ARHGAP6: variants seen among roughly 807,000 people sequenced by gnomAD.
ARHGAP6 encodes the protein Rho GTPase activating protein 6.
In ARHGAP6, 16 loss-of-function variants were observed where a neutral mutation model predicts 55.7. The ratio of observed to expected loss-of-function variants is 0.29; its 90% CI spans 0.19 to 0.44. The LOEUF is 0.44. Ranked by LOEUF, ARHGAP6 falls within the 20% of genes least tolerant of loss-of-function variation. The pLI is 1.00. For synonymous variants in ARHGAP6, 382 were observed against 360.9 expected, an observed-to-expected ratio of 1.06 and a Z score of -0.66; for missense variants, 698 against 808.9, an observed-to-expected ratio of 0.86 and a Z score of 1.66.
rs1277622335 is a variant in ARHGAP6 at position 11,178,101 on chromosome X, T to G, written c.1628A>C (p.Glu543Ala). The G allele has an allele frequency of 4.1e-6, 5 of 1,209,342 alleles. No individual in the cohort carries two copies. In the African/African-American group the frequency reaches 8.8e-5, roughly 21 times the overall value. ...TCTATGGCAGCAAAGGCATCTTACC[T>G]CTTGCCCATCTTTGCTGATGTTGTC... ...ADDNISKDGQ[E>A]VTGNKMTSLN... is the part of the protein sequence containing the mutation. The change falls in exon 8 of 13, where the codon GAG becomes GCG. Residue 543 changes from glutamate (E) to alanine (A), a missense_variant and splice_region_variant. Physicochemically the swap from Glu to Ala is moderately radical, Grantham distance 107. Transcript: ENST00000337414.
chrX:11,408,908 TACACACACACACAC>T (rs373105469), intron 1 of ARHGAP6, among the ~76,000 whole-genome samples: 3 of 104,826 alleles, frequency 2.9e-5, no homozygotes, highest in Non-Finnish European at 5.9e-5. Flanking sequence ...CACACACACA[TACACACACACACAC>T]ACACGCACAC....
chrX:11,298,928 T>C (rs896901117), intron 1 of ARHGAP6: 1 of 1,210,814 alleles, frequency 8.3e-7, no homozygotes, highest in Non-Finnish European at 1.1e-6. Context: ...CTGATCTGAC[T>C]CTGGAAGCTT....
intron 1 of ARHGAP6, among the ~76,000 whole-genome samples, chrX:11,445,294 A>G (rs751332989): frequency 8.9e-6 from 1 of 112,053 alleles, no homozygotes; most frequent in East Asian, 2.8e-4. Flanking sequence ...GAAGGCATCA[A>G]AAACCTCTGC....
At chrX:11,387,871 A>G (rs1467150485) in intron 1 of ARHGAP6, among the ~76,000 whole-genome samples, 1 of 111,742 alleles carries the variant, frequency 8.9e-6, no homozygotes, top group Non-Finnish European at 1.9e-5. Flanking sequence ...TGTCCCTACA[A>G]AGGACATGAA....
At chrX:11,450,796 A>G (rs1305983963) in intron 1 of ARHGAP6, among the ~76,000 whole-genome samples, 3 of 111,018 alleles carry the variant, frequency 2.7e-5, no homozygotes, top group African/African-American at 9.9e-5. Flanking sequence ...ATTTAGCAGT[A>G]CCCTGGGCCT....
At chrX:11,637,762 ATT>A (rs55942514) in intron 1 of ARHGAP6, among the ~76,000 whole-genome samples, 18,569 of 103,706 alleles carry the variant, frequency 0.18, 1,553 homozygotes, top group African/African-American at 0.3. Flanking sequence ...TGTAATTTTG[ATT>A]TTTTTTTTTT....
intron 1 of ARHGAP6, among the ~76,000 whole-genome samples, chrX:11,424,021 C>G (rs1166541778): frequency 8.9e-6 from 1 of 112,332 alleles, no homozygotes; most frequent in Non-Finnish European, 1.9e-5. Context: ...CTACACTAGT[C>G]AAATTTAAAA....
At chrX:11,457,318 G>T (rs997585388) in intron 1 of ARHGAP6, among the ~76,000 whole-genome samples, 5 of 111,523 alleles carry the variant, frequency 4.5e-5, no homozygotes, top group Non-Finnish European at 9.4e-5. Context: ...TGGGAGTCAG[G>T]TGACACCTGC....
intron 1 of ARHGAP6, among the ~76,000 whole-genome samples, chrX:11,552,096 G>T (rs184804965): frequency 7.2e-5 from 8 of 111,286 alleles, no homozygotes; most frequent in Non-Finnish European, 1.5e-4. Context: ...TTTAAAACAT[G>T]GGCAAAATAC....
chrX:11,576,138 T>G (rs1051326535), intron 1 of ARHGAP6, among the ~76,000 whole-genome samples: 2 of 112,056 alleles, frequency 1.8e-5, no homozygotes, highest in Non-Finnish European at 3.8e-5. Context: ...TCAGTTTCCC[T>G]AAAATGGGAT....
intron 1 of ARHGAP6, among the ~76,000 whole-genome samples, chrX:11,344,491 G>A (rs1331690229): frequency 1.8e-5 from 2 of 108,266 alleles, no homozygotes; most frequent in Non-Finnish European, 3.8e-5. Context: ...TGGCTAACAT[G>A]GTGAAACCCC....
chrX:11,595,591 T>C (rs2051892190), intron 1 of ARHGAP6, among the ~76,000 whole-genome samples: 1 of 111,729 alleles, frequency 9.0e-6, no homozygotes, highest in African/African-American at 3.3e-5. Flanking sequence ...CTAATTAAAC[T>C]GAAGAGCTTC....
intron 1 of ARHGAP6, among the ~76,000 whole-genome samples, chrX:11,363,776 G>A (rs1275987269): frequency 1.8e-5 from 2 of 112,213 alleles, no homozygotes; most frequent in East Asian, 2.8e-4. Flanking sequence ...TTCAGCCACT[G>A]TAAAAAGCAG....
chrX:11,287,319 C>T (rs762426886), intron 1 of ARHGAP6, among the ~76,000 whole-genome samples: 19 of 111,686 alleles, frequency 1.7e-4, no homozygotes, highest in African/African-American at 5.9e-4. Context: ...ATCTGGGGCC[C>T]CAAGGTATGC....
chrX:11,162,505 A>G (rs1267168444), intron 9 of ARHGAP6, among the ~76,000 whole-genome samples: 2 of 111,127 alleles, frequency 1.8e-5, no homozygotes, highest in Non-Finnish European at 3.8e-5. Context: ...CTGCACTTCT[A>G]TGACCCTCAC....
intron 1 of ARHGAP6, among the ~76,000 whole-genome samples, chrX:11,533,379 G>A (rs2051072480): frequency 8.9e-6 from 1 of 111,931 alleles, no homozygotes; most frequent in Non-Finnish European, 1.9e-5. Context: ...GTAATGTAAT[G>A]TGTAATATAT....
chrX:11,437,749 G>A (rs983570080), intron 1 of ARHGAP6, among the ~76,000 whole-genome samples: 2 of 112,236 alleles, frequency 1.8e-5, no homozygotes, highest in Admixed American at 1.9e-4. Flanking sequence ...CCAGGGTGAT[G>A]TAAACTCCCA....
At chrX:11,431,523 T>C (rs1337019193) in intron 1 of ARHGAP6, among the ~76,000 whole-genome samples, 4 of 111,900 alleles carry the variant, frequency 3.6e-5, no homozygotes. Flanking sequence ...AGGGCCCATC[T>C]GAGTACTAAA....
chrX:11,586,389 T>C (rs1334838992), intron 1 of ARHGAP6, among the ~76,000 whole-genome samples: 3 of 112,021 alleles, frequency 2.7e-5, no homozygotes, highest in African/African-American at 9.7e-5. Flanking sequence ...TCTCTGCATA[T>C]GGCTAGCCAG....
Sources: allele counts gnomAD v4.1 joint callset (sites outside exome capture counted in the v4.1 genomes callset), GRCh38; gene constraint gnomAD v4.1.1; transcripts MANE v1.5; gene names NCBI Gene and HGNC (gene_info 2026-07-23, HGNC 2026-07-21).